The following SEC23B variants were observed in gnomAD, a reference collection of about 807,000 sequenced individuals.
The protein encoded by SEC23B is protein transport protein Sec23B.
Under a neutral mutation model 104.3 loss-of-function variants are expected in SEC23B, and 77 were observed. That is an observed-to-expected ratio of 0.74 (90% CI 0.61 to 0.89). SEC23B has a LOEUF of 0.89. Among genes scored for constraint, SEC23B ranks in the 40% least tolerant of loss-of-function variants. The pLI is 0.00. For missense variants in SEC23B, 885 were observed against 949.4 expected (o/e 0.93, Z 0.89); for synonymous variants, 338 against 332.5 (o/e 1.02, Z -0.18).
Position 18,510,954 on chromosome 20 carries a change from G to A in SEC23B, c.119G>A (p.Cys40Tyr), listed in dbSNP as rs376192392. ...ACAAGAATGGTTGTACCCCTGGCTT[G>A]TCTCCTTACTCCTTTGAAAGAACGT... ...EATRMVVPLACLLTPLKERPD... is the reference protein window; with the variant it reads ...EATRMVVPLAYLLTPLKERPD... Residue 40 changes from cysteine to tyrosine, a missense_variant, in exon 2 of 20, where the codon TGT becomes TAT. Transcript: ENST00000650089. 13 of 1,614,152 alleles carry A rather than the reference G, an allele frequency of 8.1e-6. No homozygotes were observed. Among genetic ancestry groups the A allele is most frequent in the Non-Finnish European group, 1.1e-5 (13 of 1,180,014 alleles).
At chr20:18,529,365 C>T (rs2060162992) in intron 9 of SEC23B, among the ~76,000 whole-genome samples, 1 of 152,176 alleles carries the variant, frequency 6.6e-6, no homozygotes, top group Admixed American at 6.5e-5. Context: ...GGAGGAAGCT[C>T]CCAATGCTGG....
intron 16 of SEC23B, among the ~76,000 whole-genome samples, chr20:18,549,039 A>T (rs954478054): frequency 5.3e-5 from 8 of 152,164 alleles, no homozygotes; most frequent in African/African-American, 1.9e-4. Flanking sequence ...CTTACATCCA[A>T]CAATTCCATG....
Position 18,561,022 on chromosome 20 carries a change from G to A in SEC23B, c.*282G>A. The A allele has an allele frequency of 5.0e-6, 2 of 403,072 alleles. No individual in the cohort carries two copies. The highest frequency in any genetic ancestry group is 2.3e-5 in the South Asian group (1 of 42,586). 25.0% of individuals were successfully genotyped at this position (403,072 alleles called of 1,614,324 possible). Reference sequence around the variant, plus strand: ...AATAAAATCAGAGGTAATGTATTTTGGCAGCTTGTTTAGGTGAGAATCTTA... The same window carrying A: ...AATAAAATCAGAGGTAATGTATTTTAGCAGCTTGTTTAGGTGAGAATCTTA... On this transcript the variant is annotated 3_prime_UTR_variant, in exon 20 of 20. Coordinates refer to ENST00000650089, the MANE Select transcript of SEC23B (RefSeq NM_006363.6).
chr20:18,536,136 A>G (rs2060228593), intron 12 of SEC23B, among the ~76,000 whole-genome samples: 1 of 152,220 alleles, frequency 6.6e-6, no homozygotes, highest in African/African-American at 2.4e-5. Flanking sequence ...TTGATTCTGT[A>G]ATTAACATTT....
At chr20:18,549,354 CTAATA>C (rs2060364099) in intron 16 of SEC23B, among the ~76,000 whole-genome samples, 1 of 151,850 alleles carries the variant, frequency 6.6e-6, no homozygotes, top group African/African-American at 2.4e-5. Flanking sequence ...GTTATAATAC[CTAATA>C]TAATGTAAGT....
In SEC23B at chr20:18,511,049, C is replaced by T. The variant is rs755933445; in HGVS notation, c.214C>T (p.Pro72Ser). The T allele has an allele frequency of 5.0e-6, 8 of 1,609,070 alleles. No homozygotes were observed. The highest frequency in any genetic ancestry group is 6.8e-6 in the Non-Finnish European group (8 of 1,175,422). Residue 72 changes from proline (P) to serine (S), a missense_variant, in exon 2 of 20, where the codon CCA (proline) becomes TCA (serine). Physicochemically the swap from Pro to Ser is moderately conservative, Grantham distance 74 (BLOSUM62 -1). Transcript: ENST00000650089. ...GCCAACTTGTAAAGCTGTTCTCAAC[C>T]CACTTTGGTATGGATTCTTTTGAAA... ...SRPTCKAVLN[P>S]LCQVDYRAKL... is the part of the protein sequence containing the mutation.
intron 12 of SEC23B, among the ~76,000 whole-genome samples, chr20:18,538,249 C>CTT (rs34866001): frequency 0.1 from 11,517 of 114,484 alleles, 730 homozygotes; most frequent in East Asian, 0.27. Flanking sequence ...CTGGGAATTT[C>CTT]TTTTTTTTTT....
intron 19 of SEC23B, among the ~76,000 whole-genome samples, chr20:18,556,520 A>C (rs950616375): frequency 2.0e-5 from 3 of 152,176 alleles, no homozygotes; most frequent in African/African-American, 7.2e-5. Context: ...TTCTACTTAG[A>C]CAATCATGTC....
rs141883711 is a variant in SEC23B at position 18,528,568 on chromosome 20, A to G, written c.1109+957A>G. On this transcript the variant is annotated intron_variant, in intron 9 of 19. Transcript: ENST00000650089. ...GGCCTGAGAGTCTGCATTTCTAACA[A>G]CCCCACAGGTGATGCTGCTGGTCCC... 5.3e-5 allele frequency among the ~76,000 whole-genome samples: 8 copies of G among 152,264 alleles called. No individual in the cohort carries two copies. The East Asian group carries it at 1.5e-3, about 29-fold the overall frequency.
intron 12 of SEC23B, among the ~76,000 whole-genome samples, chr20:18,539,833 CG>C (rs1418172034): frequency 1.3e-5 from 2 of 151,362 alleles, no homozygotes; most frequent in Admixed American, 6.6e-5. Flanking sequence ...TTAGTAGAGA[CG>C]GGGTTTCACC....
chr20:18,523,758 G>A (rs2060108116), intron 4 of SEC23B, among the ~76,000 whole-genome samples: 1 of 150,696 alleles, frequency 6.6e-6, no homozygotes, highest in African/African-American at 2.4e-5. Context: ...AGGCTGGTAT[G>A]TAGTGGTACA....
chr20:18,535,618 G>C lies in SEC23B; in HGVS notation c.1315-35G>C, dbSNP rs374575844. On this transcript the variant is annotated intron_variant, in intron 11 of 19. Transcript: ENST00000650089. Reference sequence around the variant, plus strand: ...CAATTAACCACAGGGATGGTTTTCTGGTTTTGTTTTTCAAATTCCTCTTCC... The same window carrying C: ...CAATTAACCACAGGGATGGTTTTCTCGTTTTGTTTTTCAAATTCCTCTTCC... The C allele has an allele frequency of 7.0e-6, 11 of 1,563,908 alleles. No homozygotes were observed. In the East Asian group the frequency reaches 2.2e-4, roughly 32 times the overall value.
At chr20:18,521,392 C>CT (rs1206243820) in intron 4 of SEC23B, among the ~76,000 whole-genome samples, 1 of 152,070 alleles carries the variant, frequency 6.6e-6, no homozygotes, top group East Asian at 1.9e-4. Context: ...AGTAAAGCGT[C>CT]TAAGGGTTTT....
At chr20:18,520,013 A>G (rs1412279818) in intron 4 of SEC23B, among the ~76,000 whole-genome samples, 1 of 152,232 alleles carries the variant, frequency 6.6e-6, no homozygotes, top group Non-Finnish European at 1.5e-5. Context: ...GATGGGTGTC[A>G]GGGTCAGTCC....
At chr20:18,533,470 C>T (rs1044714139) in intron 11 of SEC23B, among the ~76,000 whole-genome samples, 15 of 152,120 alleles carry the variant, frequency 9.9e-5, no homozygotes, top group Admixed American at 9.2e-4. Context: ...GTTTACACCC[C>T]GCACCTGGCC....
At chr20:18,551,743 T>G (rs559678497) in intron 17 of SEC23B, among the ~76,000 whole-genome samples, 2 of 149,360 alleles carry the variant, frequency 1.3e-5, no homozygotes, top group African/African-American at 4.9e-5. Flanking sequence ...TAATAATATA[T>G]GCTGTAAAAA....
chr20:18,538,222 G>C (rs2060253897), intron 12 of SEC23B, among the ~76,000 whole-genome samples: 1 of 150,796 alleles, frequency 6.6e-6, no homozygotes, highest in South Asian at 2.1e-4. Flanking sequence ...TTACAGGTGT[G>C]AGCTACCACG....
In SEC23B at chr20:18,542,289, C is replaced by T. The variant is rs2273525; in HGVS notation, c.1405-7C>T. 138,612 of 1,613,372 alleles carry T rather than the reference C, an allele frequency of 0.086. 8,525 individuals are homozygous for T. The highest frequency in any genetic ancestry group is 0.32 in the East Asian group (14,468 of 44,860). ...AACAGACAAGGTTATGGCCTCTCAT[C>T]CTACAGCACAACACCCCGATCCCCC... On this transcript the variant is annotated splice_region_variant and splice_polypyrimidine_tract_variant and intron_variant, in intron 12 of 19. Coordinates refer to ENST00000650089, the MANE Select transcript of SEC23B (RefSeq NM_006363.6).
At chr20:18,531,122 A>G (rs2060183185) in intron 10 of SEC23B, among the ~76,000 whole-genome samples, 1 of 152,198 alleles carries the variant, frequency 6.6e-6, no homozygotes, top group African/African-American at 2.4e-5. Flanking sequence ...GATGACCTAT[A>G]TATTTATTTA....
Sources: gnomAD v4.1 joint callset for allele counts (sites outside exome capture counted in the v4.1 genomes callset) on GRCh38, gnomAD v4.1.1 for gene constraint, MANE v1.5 for transcripts, NCBI Gene and HGNC (gene_info 2026-07-23, HGNC 2026-07-21) for gene names.